Variants in THSD4 observed in about 807,000 individuals in gnomAD.
The protein encoded by THSD4 is thrombospondin type-1 domain-containing protein 4.
A neutral mutation model predicts 119.0 loss-of-function variants in THSD4; 69 were observed. That is an observed-to-expected ratio of 0.58 (90% confidence interval 0.48 to 0.71). The LOEUF (loss-of-function observed/expected upper bound fraction) is 0.71, where lower values mean the gene tolerates loss of function less well. Ranked by LOEUF, THSD4 falls within the 30% of genes least tolerant of loss-of-function variation. The probability of loss-of-function intolerance (pLI) is 0.00; values close to 1 mark genes in which losing one functional copy is unlikely to be tolerated. For synonymous variants in THSD4, 524 were observed against 540.4 expected (o/e 0.97, Z 0.42); for missense variants, 1,393 against 1,391.1 (o/e 1.00, Z -0.02).
intron 7 of THSD4, among the ~76,000 whole-genome samples, chr15:71,527,888 T>A (rs915412671): frequency 5.3e-5 from 8 of 151,950 alleles, no homozygotes; most frequent in African/African-American, 1.7e-4. Context: ...AATCTTTGTA[T>A]TTTTTGTAGA....
chr15:71,756,894 T>G (rs927603963), intron 14 of THSD4, among the ~76,000 whole-genome samples: 3 of 152,196 alleles, frequency 2.0e-5, no homozygotes, highest in African/African-American at 7.2e-5. Context: ...GACTCAGGAA[T>G]GTTTTCACTG....
chr15:71,730,335 G>C (rs2052951755), intron 9 of THSD4: 1 of 152,166 alleles, frequency 6.6e-6, no homozygotes, highest in Non-Finnish European at 1.5e-5. Context: ...TTCTGCTGCT[G>C]GGTTTAGCCC....
At chr15:71,582,296 G>C (rs1259914609) in intron 7 of THSD4, among the ~76,000 whole-genome samples, 34 of 152,068 alleles carry the variant, frequency 2.2e-4, no homozygotes, top group Admixed American at 2.2e-3. Context: ...CATTGTTAAT[G>C]TATAGAAGTG....
At chr15:71,356,054 G>A (rs2045805483) in intron 6 of THSD4, among the ~76,000 whole-genome samples, 2 of 151,956 alleles carry the variant, frequency 1.3e-5, no homozygotes, top group South Asian at 4.2e-4. Flanking sequence ...TTTTAGTAGA[G>A]ACAGGGTTTC....
intron 7 of THSD4, among the ~76,000 whole-genome samples, chr15:71,489,090 A>G (rs547119722): frequency 3.9e-5 from 6 of 152,214 alleles, no homozygotes; most frequent in Non-Finnish European, 8.8e-5. Context: ...AAATTTCCCC[A>G]GAAAAGCTCA....
intron 7 of THSD4, among the ~76,000 whole-genome samples, chr15:71,496,919 G>C (rs1250630427): frequency 1.3e-5 from 2 of 152,188 alleles, no homozygotes; most frequent in African/African-American, 4.8e-5. Context: ...ACCGCTCCAG[G>C]AGCATTTGCT....
At chr15:71,134,339 A>ATGACC (rs921569169) in intron 1 of THSD4, among the ~76,000 whole-genome samples, 2 of 152,184 alleles carry the variant, frequency 1.3e-5, no homozygotes, top group Admixed American at 1.3e-4. Context: ...GTGACGATTG[A>ATGACC]TGACCGCCAC....
At chr15:71,496,082 A>G (rs1417299753) in intron 7 of THSD4, among the ~76,000 whole-genome samples, 1 of 152,172 alleles carries the variant, frequency 6.6e-6, no homozygotes, top group Non-Finnish European at 1.5e-5. Flanking sequence ...GCTAAATACC[A>G]TCCTTTGGTT....
chr15:71,181,798 C>A (rs1320906853), intron 3 of THSD4, among the ~76,000 whole-genome samples: 1 of 152,244 alleles, frequency 6.6e-6, no homozygotes, highest in Non-Finnish European at 1.5e-5. Flanking sequence ...AAGCCATAAT[C>A]ATTCCTCTTC....
At chr15:71,142,505 A>G (rs2040614639) in intron 2 of THSD4, among the ~76,000 whole-genome samples, 1 of 152,144 alleles carries the variant, frequency 6.6e-6, no homozygotes, top group African/African-American at 2.4e-5. Context: ...AATTTACTTT[A>G]TAAGTTTAAA....
At chr15:71,260,299 A>G (rs964293031) in intron 6 of THSD4, among the ~76,000 whole-genome samples, 2 of 152,112 alleles carry the variant, frequency 1.3e-5, no homozygotes, top group Non-Finnish European at 2.9e-5. Flanking sequence ...GATTTAACTG[A>G]TTTTTTGGAA....
intron 3 of THSD4, chr15:71,187,656 C>T (rs1255587856): frequency 6.6e-6 from 1 of 152,560 alleles, no homozygotes; most frequent in Non-Finnish European, 1.5e-5. Flanking sequence ...TTAAACTATG[C>T]AAACCGCATT....
chr15:71,620,288 G>A (rs1437146064), intron 7 of THSD4, among the ~76,000 whole-genome samples: 1 of 152,082 alleles, frequency 6.6e-6, no homozygotes, highest in Non-Finnish European at 1.5e-5. Flanking sequence ...ACATATTATT[G>A]GTATTTAAAA....
At chr15:71,442,658 G>GTATGTA (rs1555414314) in intron 7 of THSD4, among the ~76,000 whole-genome samples, 670 of 31,310 alleles carry the variant, frequency 0.021, 118 homozygotes, top group South Asian at 0.034. Context: ...GTGTGTGTGT[G>GTATGTA]TGTATATATA....
chr15:71,352,189 A>G (rs2045752040), intron 6 of THSD4, among the ~76,000 whole-genome samples: 1 of 152,102 alleles, frequency 6.6e-6, no homozygotes, highest in Non-Finnish European at 1.5e-5. Context: ...TCCTTTCCCA[A>G]CCAGGAACAT....
At chr15:71,463,216 C>G (rs2047450747) in intron 7 of THSD4, among the ~76,000 whole-genome samples, 3 of 152,144 alleles carry the variant, frequency 2.0e-5, no homozygotes, top group Admixed American at 2.0e-4. Context: ...AACTCTTAAT[C>G]TTGACTTCAT....
At chr15:71,411,946 AT>A in intron 7 of THSD4, 123 bp downstream of exon 7, 1 of 1,320,344 alleles carries the variant, frequency 7.6e-7, no homozygotes, top group Non-Finnish European at 1.0e-6. Flanking sequence ...CCACTCAACC[AT>A]GCGCTCTGGG....
intron 4 of THSD4, among the ~76,000 whole-genome samples, chr15:71,241,626 G>A (rs931196522): frequency 6.6e-6 from 1 of 152,196 alleles, no homozygotes; most frequent in Non-Finnish European, 1.5e-5. Context: ...GCTCACCAGA[G>A]CTCACTGTGT....
chr15:71,709,954 A>G (rs1056643733), intron 8 of THSD4, among the ~76,000 whole-genome samples: 1 of 152,214 alleles, frequency 6.6e-6, no homozygotes, highest in African/African-American at 2.4e-5. Context: ...GGACTAGTCA[A>G]GACGGGGTGA....
Sources: gnomAD v4.1 joint callset for allele counts (sites outside exome capture counted in the v4.1 genomes callset) on GRCh38, gnomAD v4.1.1 for gene constraint, MANE v1.5 for transcripts, NCBI Gene and HGNC (gene_info 2026-07-23, HGNC 2026-07-21) for gene names.